Variants in MSRA observed in about 807,000 individuals in gnomAD.
MSRA encodes the protein methionine sulfoxide reductase A.
MSRA carries 54 observed loss-of-function variants against 31.3 expected under a neutral mutation model. The observed-to-expected ratio is 1.73, with a 90% CI of 1.39 to 2.17. The LOEUF (loss-of-function observed/expected upper bound fraction) is 2.17. MSRA is among the 30% of genes most tolerant of loss of function. The pLI, the probability that MSRA is intolerant of heterozygous loss-of-function variation, is 0.00. For missense variants in MSRA, 507 were observed against 300.9 expected (o/e 1.69, Z -5.07); for synonymous variants, 169 against 116.5 (o/e 1.45, Z -2.90).
intron 1 of MSRA, among the ~76,000 whole-genome samples, chr8:10,118,951 G>A (rs559427694): frequency 2.6e-5 from 4 of 152,286 alleles, no homozygotes; most frequent in African/African-American, 4.8e-5. Context: ...GGTCCAGCCC[G>A]GGCTGGTCTG....
chr8:10,397,800 C>A (rs1236171713), intron 5 of MSRA, among the ~76,000 whole-genome samples: 1 of 152,182 alleles, frequency 6.6e-6, no homozygotes, highest in Non-Finnish European at 1.5e-5. Flanking sequence ...GAAGAACATT[C>A]TGTTTTCTCA....
intron 5 of MSRA, among the ~76,000 whole-genome samples, chr8:10,404,353 C>T (rs915105589): frequency 1.3e-5 from 2 of 152,226 alleles, no homozygotes; most frequent in African/African-American, 2.4e-5. Flanking sequence ...CCGTGACAAA[C>T]GACAGTCAAG....
chr8:10,374,747 A>G (rs1256502104), intron 5 of MSRA, among the ~76,000 whole-genome samples: 3 of 152,182 alleles, frequency 2.0e-5, no homozygotes, highest in African/African-American at 7.2e-5. Flanking sequence ...CTTGTTGGAT[A>G]TGGTTTGGAT....
chr8:10,182,701 T>C (rs1261539360), intron 1 of MSRA, among the ~76,000 whole-genome samples: 1 of 152,196 alleles, frequency 6.6e-6, no homozygotes, highest in Non-Finnish European at 1.5e-5. Flanking sequence ...GCCATTGGGC[T>C]CAGGGCCTCA....
intron 1 of MSRA, among the ~76,000 whole-genome samples, chr8:10,137,669 T>C (rs1802385266): frequency 1.3e-5 from 2 of 152,130 alleles, no homozygotes; most frequent in Admixed American, 6.5e-5. Context: ...TTCCTAACAG[T>C]GTTCTGATTT....
At chr8:10,217,428 T>C (rs757206545) in intron 2 of MSRA, among the ~76,000 whole-genome samples, 16 of 152,246 alleles carry the variant, frequency 1.1e-4, no homozygotes, top group Non-Finnish European at 1.5e-5. Context: ...CAGAAGTTAA[T>C]TGCGTTGTAT....
At chr8:10,308,427 A>T (rs368041410) in intron 4 of MSRA, among the ~76,000 whole-genome samples, 1 of 151,990 alleles carries the variant, frequency 6.6e-6, no homozygotes, top group African/African-American at 2.4e-5. Context: ...CTCTCTATCC[A>T]CTTGACCACG....
chr8:10,197,270 A>G (rs1166582519), intron 1 of MSRA, among the ~76,000 whole-genome samples: 2 of 152,210 alleles, frequency 1.3e-5, no homozygotes, highest in Non-Finnish European at 2.9e-5. Flanking sequence ...ACAGACGCCT[A>G]AGTTAGACAT....
At chr8:10,161,146 C>T (rs573910286) in intron 1 of MSRA, among the ~76,000 whole-genome samples, 1 of 152,300 alleles carries the variant, frequency 6.6e-6, no homozygotes, top group South Asian at 2.1e-4. Flanking sequence ...CTAATGAAAA[C>T]ATCAGCTCTG....
chr8:10,136,642 C>T (rs921975055), intron 1 of MSRA, among the ~76,000 whole-genome samples: 23 of 152,222 alleles, frequency 1.5e-4, no homozygotes, highest in African/African-American at 5.5e-4. Context: ...GCCTTTACGT[C>T]AAGGGATACT....
At chr8:10,067,082 A>T (rs1329096646) in intron 1 of MSRA, among the ~76,000 whole-genome samples, 1 of 152,028 alleles carries the variant, frequency 6.6e-6, no homozygotes, top group Non-Finnish European at 1.5e-5. Context: ...GTGGGTTTTG[A>T]CAGATGCATG....
At chr8:10,238,210 G>C (rs1035507591) in intron 2 of MSRA, among the ~76,000 whole-genome samples, 1 of 152,154 alleles carries the variant, frequency 6.6e-6, no homozygotes, top group Non-Finnish European at 1.5e-5. Flanking sequence ...CCTTGCTGGG[G>C]ATATCTGAAT....
intron 2 of MSRA, among the ~76,000 whole-genome samples, chr8:10,230,830 G>A (rs1811407487): frequency 6.6e-6 from 1 of 152,154 alleles, no homozygotes; most frequent in Non-Finnish European, 1.5e-5. Flanking sequence ...CGTTGCCCAG[G>A]CTGGAGTATA....
chr8:10,198,124 T>G (rs568275144), intron 1 of MSRA, among the ~76,000 whole-genome samples: 29 of 152,356 alleles, frequency 1.9e-4, no homozygotes, highest in African/African-American at 6.0e-4. Flanking sequence ...AGTTTTTTTT[T>G]CTTTTGATAA....
rs376899594 is a variant in MSRA at position 10,359,548 on chromosome 8, C to T, written c.543+39559C>T. ...GTAGGGATTTTCCTCTCCTTCTCCACCTCCTCCTCTTCCTCCTTCTCCTCC... is the reference window on the plus strand; with the variant it reads ...GTAGGGATTTTCCTCTCCTTCTCCATCTCCTCCTCTTCCTCCTTCTCCTCC... On this transcript the variant is annotated intron_variant, in intron 5 of 5. Coordinates refer to ENST00000317173, the MANE Select transcript of MSRA (RefSeq NM_012331.5). Among the ~76,000 whole-genome samples, 3 of 152,306 alleles carry T rather than the reference C, an allele frequency of 2.0e-5. No individual in the cohort carries two copies. The South Asian group carries it at 6.2e-4, about 32-fold the overall frequency.
chr8:10,247,734 T>A (rs923729519), intron 3 of MSRA, among the ~76,000 whole-genome samples: 1 of 152,168 alleles, frequency 6.6e-6, no homozygotes, highest in Non-Finnish European at 1.5e-5. Flanking sequence ...TATAGGGTCT[T>A]ACCCATACAC....
intron 2 of MSRA, among the ~76,000 whole-genome samples, chr8:10,242,969 C>T (rs940163429): frequency 1.4e-4 from 22 of 152,182 alleles, no homozygotes; most frequent in Non-Finnish European, 2.8e-4. Context: ...TCCTCCTCCT[C>T]ATGGGGTCAT....
rs1799725136 is a variant in MSRA at position 10,283,171 on chromosome 8, T to G, written c.332-18363T>G. 2.8e-5 allele frequency among the ~76,000 whole-genome samples: 2 copies of G among 71,746 alleles called. 1 individual carries two copies. The highest frequency in any genetic ancestry group is 8.7e-4 in the South Asian group (2 of 2,294). The allele number at this position is 71,746 out of a possible 152,430, so 47.1% of individuals were successfully genotyped here. ...ACACACACACACACACTCTCACCCT[T>G]CTCTTTGCTGGGGAAAGGTTTGTTG... is the stretch of plus-strand genomic sequence containing the variant. On this transcript the variant is annotated intron_variant, in intron 3 of 5. Transcript: ENST00000317173.
intron 4 of MSRA, among the ~76,000 whole-genome samples, chr8:10,302,803 G>C (rs1488463596): frequency 1.3e-5 from 2 of 152,208 alleles, no homozygotes. Flanking sequence ...GTTTGACATG[G>C]GGGAATGGGT....
Sources: allele counts gnomAD v4.1 joint callset (sites outside exome capture counted in the v4.1 genomes callset), GRCh38; gene constraint gnomAD v4.1.1; transcripts MANE v1.5; gene names NCBI Gene and HGNC (gene_info 2026-07-23, HGNC 2026-07-21).